Variants in GLRA2 observed in about 807,000 individuals in gnomAD.
The protein encoded by GLRA2 is glycine receptor subunit alpha-2.
A neutral mutation model predicts 31.6 loss-of-function variants in GLRA2; 11 were observed. That is an observed-to-expected ratio of 0.35 (90% CI 0.22 to 0.58). GLRA2 has a LOEUF of 0.58. Among genes scored for constraint, GLRA2 ranks in the 20% least tolerant of loss-of-function variants. The pLI is 0.84. For missense variants in GLRA2, 212 were observed against 351.8 expected, an observed-to-expected ratio of 0.60 and a Z score of 3.18; for synonymous variants, 132 against 134.0, an observed-to-expected ratio of 0.99 and a Z score of 0.10.
At chrX:14,548,067 A>G (rs1217935547) in intron 2 of GLRA2, among the ~76,000 whole-genome samples, 1 of 112,174 alleles carries the variant, frequency 8.9e-6, no homozygotes, top group Non-Finnish European at 1.9e-5. Flanking sequence ...AATTATTGTG[A>G]TTCACTTAAA....
chrX:14,593,230 G>A (rs184723822), intron 4 of GLRA2, among the ~76,000 whole-genome samples: 22 of 109,667 alleles, frequency 2.0e-4, no homozygotes, highest in Non-Finnish European at 3.8e-4. Flanking sequence ...GTCCATCTGC[G>A]TATCTCAGCA....
In GLRA2 at chrX:14,690,741, T is replaced by C. The variant is rs746780072; in HGVS notation, c.962T>C (p.Met321Thr). Residue 321 changes from methionine to threonine, a missense_variant, in exon 8 of 9, where the codon ATG (methionine) becomes ACG (threonine). Around this residue, in one of 5 missense-constraint regions of GLRA2, gnomAD observed 110 missense variants for 232.6 expected, o/e 0.47. Coordinates refer to ENST00000218075, the MANE Select transcript of GLRA2 (RefSeq NM_002063.4). ...VSYVKAIDIWMAVCLLFVFAA... is the reference protein window; with the variant it reads ...VSYVKAIDIWTAVCLLFVFAA... ...TATGTAAAAGCGATTGACATCTGGA[T>C]GGCGGTGTGCCTTCTGTTTGTGTTT... 8.3e-7 allele frequency: 1 copy of C among 1,205,003 alleles called. No individual in the cohort carries two copies. Among genetic ancestry groups the C allele is most frequent in the Non-Finnish European group, 1.1e-6 (1 of 889,959 alleles).
chrX:14,676,216 T>G (rs2091144643), intron 7 of GLRA2, among the ~76,000 whole-genome samples: 1 of 112,865 alleles, frequency 8.9e-6, no homozygotes, highest in Admixed American at 9.4e-5. Flanking sequence ...TTGAGAATAA[T>G]TAAACATTTT....
chrX:14,516,923 C>T, the GLRA2 span, among the ~76,000 whole-genome samples: 1 of 111,983 alleles, frequency 8.9e-6, no homozygotes, highest in African/African-American at 3.2e-5. Context: ...ACTCAAGCCT[C>T]AGCTTCCATG....
upstream of GLRA2, among the ~76,000 whole-genome samples, chrX:14,527,205 T>C (rs918831361): frequency 8.9e-6 from 1 of 111,921 alleles, no homozygotes; most frequent in Non-Finnish European, 1.9e-5. Context: ...TCCTCTCTAA[T>C]GTCCCTTACA....
Position 14,625,978 on chromosome X carries a change from C to G in GLRA2, c.930+16773C>G, listed in dbSNP as rs750177624. Among the ~76,000 whole-genome samples, 22 of 111,881 alleles carry G rather than the reference C, an allele frequency of 2.0e-4. No individual in the cohort carries two copies. The Admixed American group carries it at 2.1e-3, about 11-fold the overall frequency. On this transcript the variant is annotated intron_variant, in intron 7 of 8. Transcript: ENST00000218075. ...TAGACCTTAAACTAGAGCTAGATCT[C>G]GAACCCAGGCAGTCTGGCTCCAAGT...
chrX:14,688,775 C>T (rs7049906), intron 7 of GLRA2, among the ~76,000 whole-genome samples: 29,708 of 108,794 alleles, frequency 0.27, 3,146 homozygotes, highest in Non-Finnish European at 0.3. Context: ...TCACCCTGGT[C>T]CGGCTCACGC....
chrX:14,569,868 CA>C (rs1158437671), intron 2 of GLRA2, among the ~76,000 whole-genome samples: 1 of 112,372 alleles, frequency 8.9e-6, no homozygotes, highest in Non-Finnish European at 1.9e-5. Flanking sequence ...TGTTCATTAA[CA>C]GATGAATAAT....
rs536292728 is a variant in GLRA2, at chrX:14,642,531, A to G, written c.930+33326A>G. On this transcript the variant is annotated intron_variant, in intron 7 of 8. Transcript: ENST00000218075. The stretch of plus-strand genomic sequence containing the variant: ...ATCACATCCTTTATCAATCTATGCC[A>G]TCAAGATATTAGCTTCCCATAAATG... Among the ~76,000 whole-genome samples, 5 of 111,473 alleles carry G rather than the reference A, an allele frequency of 4.5e-5. No individual in the cohort carries two copies. The South Asian group carries it at 1.5e-3, about 33-fold the overall frequency.
At chrX:14,454,188 CCACACACACA>C in the GLRA2 span, among the ~76,000 whole-genome samples, 40 of 101,301 alleles carry the variant, frequency 3.9e-4, no homozygotes, top group Non-Finnish European at 5.0e-4. Flanking sequence ...ACCCACACAC[CCACACACACA>C]CACACACACA....
intron 7 of GLRA2, among the ~76,000 whole-genome samples, chrX:14,681,995 A>ATGTGTG (rs756711239): frequency 1.1e-5 from 1 of 90,610 alleles, no homozygotes; most frequent in African/African-American, 4.0e-5. Flanking sequence ...TTATATATGT[A>ATGTGTG]TGTGTGTGTG....
intron 7 of GLRA2, among the ~76,000 whole-genome samples, chrX:14,674,573 C>T (rs895263070): frequency 9.0e-6 from 1 of 111,541 alleles, no homozygotes; most frequent in Admixed American, 9.5e-5. Flanking sequence ...AATGTGTGGG[C>T]CCCTACTTTG....
chrX:14,483,773 G>A, the GLRA2 span, among the ~76,000 whole-genome samples: 3 of 112,144 alleles, frequency 2.7e-5, no homozygotes, highest in African/African-American at 9.7e-5. Context: ...TTGCTCCTGG[G>A]TGTGTCTGTG....
At chrX:14,545,124 C>A (rs2089460760) in intron 2 of GLRA2, among the ~76,000 whole-genome samples, 1 of 112,044 alleles carries the variant, frequency 8.9e-6, no homozygotes, top group African/African-American at 3.2e-5. Context: ...CACTGTACAG[C>A]CCACAGATAA....
rs1006631495 is a variant in GLRA2 at position 14,583,210 on chromosome X, C to T, written c.494+1804C>T. On this transcript the variant is annotated intron_variant, in intron 4 of 8. Coordinates refer to ENST00000218075, the MANE Select transcript of GLRA2 (RefSeq NM_002063.4). ...ACAGAGAAAACGGAACACTTATACA[C>T]TGCTGGTGGGAATGTAAATTAGTTC... is the stretch of plus-strand genomic sequence containing the variant. Among the ~76,000 whole-genome samples the T allele has an allele frequency of 8.0e-5, 9 of 112,090 alleles. No individual in the cohort carries two copies. The East Asian group carries it at 2.5e-3, about 31-fold the overall frequency.
At chrX:14,507,544 C>T in the GLRA2 span, among the ~76,000 whole-genome samples, 1 of 110,304 alleles carries the variant, frequency 9.1e-6, no homozygotes, top group Non-Finnish European at 1.9e-5. Flanking sequence ...GAGAGTCAGC[C>T]CTTAGAAACT....
At chrX:14,651,875 C>T (rs1215897544) in intron 7 of GLRA2, among the ~76,000 whole-genome samples, 12 of 111,480 alleles carry the variant, frequency 1.1e-4, no homozygotes, top group Admixed American at 5.7e-4. Flanking sequence ...TCCAATGCGA[C>T]GGTATTTGAA....
chrX:14,486,181 G>A, the GLRA2 span, among the ~76,000 whole-genome samples: 1 of 111,341 alleles, frequency 9.0e-6, no homozygotes, highest in Non-Finnish European at 1.9e-5. Flanking sequence ...AGAGGGCCTG[G>A]AATTGTGCCT....
chrX:14,693,058 G>A (rs5980061), intron 8 of GLRA2, among the ~76,000 whole-genome samples: 25 of 67,249 alleles, frequency 3.7e-4, no homozygotes, highest in South Asian at 5.5e-4. Flanking sequence ...AAAAAAAAAA[G>A]AAAGAGGGAA....
Sources: allele counts gnomAD v4.1 joint callset (sites outside exome capture counted in the v4.1 genomes callset), GRCh38; gene constraint gnomAD v4.1.1; regional missense constraint gnomAD v4.1.1; transcripts MANE v1.5; gene names NCBI Gene and HGNC (gene_info 2026-07-23, HGNC 2026-07-21).